Variants in STK10 observed in about 807,000 individuals in gnomAD.
The protein encoded by STK10 is serine/threonine-protein kinase 10.
Under a neutral mutation model 113.8 loss-of-function variants are expected in STK10, and 78 were observed. That is an observed-to-expected ratio of 0.69 (90% CI 0.57 to 0.83). STK10 has a LOEUF of 0.83. Among genes scored for constraint, STK10 ranks in the 40% least tolerant of loss-of-function variants. The pLI, the probability that STK10 is intolerant of heterozygous loss-of-function variation, is 0.00. For synonymous variants in STK10, 465 were observed against 494.7 expected (o/e 0.94, Z 0.80); for missense variants, 1,109 against 1,280.1 (o/e 0.87, Z 2.04).
In STK10 at chr5:172,087,812, T is replaced by C. The variant is rs934900524; in HGVS notation, c.1685+2420A>G. Among the ~76,000 whole-genome samples the C allele has an allele frequency of 1.5e-4, 17 of 116,336 alleles. 2 individuals carry two copies. The highest frequency in any genetic ancestry group is 2.3e-4 in the Non-Finnish European group (13 of 55,920). The allele number at this position is 116,336 out of a possible 152,430, so 76.3% of individuals were successfully genotyped here. ...CCCGGCTAATTTTTTGTATTTTTAG[T>C]AGAGACGGGGTTTCACCTTGTTAGC... is the stretch of plus-strand genomic sequence containing the variant. On this transcript the variant is annotated intron_variant, in intron 10 of 18. Coordinates refer to ENST00000176763, the MANE Select transcript of STK10 (RefSeq NM_005990.4).
At chr5:172,164,115 G>A (rs1770519817) in intron 1 of STK10, among the ~76,000 whole-genome samples, 1 of 151,344 alleles carries the variant, frequency 6.6e-6, no homozygotes, top group Non-Finnish European at 1.5e-5. Flanking sequence ...GGGAGGCTGA[G>A]GCAGGAGAAT....
chr5:172,120,958 T>C lies in STK10; in HGVS notation c.371-3328A>G, dbSNP rs1387398460. 2.0e-5 allele frequency among the ~76,000 whole-genome samples: 3 copies of C among 152,146 alleles called. No homozygotes were observed. The highest frequency in any genetic ancestry group is 2.9e-5 in the Non-Finnish European group (2 of 68,020). ...CACGGTGCATACTGTCATTTAATCC[T>C]CGCAGTAACCCAGTGAGGTGGGAAG... On this transcript the variant is annotated intron_variant, in intron 3 of 18. Transcript: ENST00000176763. The surrounding 1 kb of genome is among the most constrained non-coding windows in gnomAD (Gnocchi z 4.0).
Position 172,142,386 on chromosome 5 carries a change from T to C in STK10, c.321+14238A>G, listed in dbSNP as rs532532071. Among the ~76,000 whole-genome samples the C allele has an allele frequency of 1.2e-3, 190 of 152,302 alleles. 1 individual carries two copies. Among genetic ancestry groups the C allele is most frequent in the Non-Finnish European group, 2.0e-3 (134 of 68,026 alleles). On this transcript the variant is annotated intron_variant, in intron 2 of 18. Coordinates refer to ENST00000176763, the MANE Select transcript of STK10 (RefSeq NM_005990.4). ...TGCTGTGCCAAGTTGATTTCCACCCTTCTAAGTAATGCGCACAAAGAGAAC... is the reference window on the plus strand; with the variant it reads ...TGCTGTGCCAAGTTGATTTCCACCCCTCTAAGTAATGCGCACAAAGAGAAC...
In STK10 at chr5:172,071,914, C is replaced by T. The variant is rs1377294161; in HGVS notation, c.1990-7102G>A. Among the ~76,000 whole-genome samples the T allele has an allele frequency of 2.6e-5, 4 of 152,114 alleles. No individual in the cohort carries two copies. The South Asian group carries it at 6.2e-4, about 24-fold the overall frequency. ...TCTTTAAAGCCAAGAAGACAAGAAC[C>T]GAGGTATCACAACAGCTGTCAACAA... On this transcript the variant is annotated intron_variant, in intron 12 of 18. Transcript: ENST00000176763.
chr5:172,089,926 T>C (rs569050404), intron 10 of STK10, among the ~76,000 whole-genome samples: 253 of 151,594 alleles, frequency 1.7e-3, no homozygotes, highest in African/African-American at 5.8e-3. Flanking sequence ...AGTGGGTAGA[T>C]AGGTGGATGG....
intron 3 of STK10, among the ~76,000 whole-genome samples, chr5:172,118,010 C>CAAAAAAAAAAACAAAAA (rs1769426886): frequency 1.4e-5 from 1 of 69,826 alleles, no homozygotes; most frequent in Non-Finnish European, 3.0e-5. Context: ...TACTCCATCT[C>CAAAAAAAAAAACAAAAA]AAAAAAAAAA....
rs748026362 is a variant in STK10, at chr5:172,147,924, G to A, written c.321+8700C>T. 6.5e-4 allele frequency among the ~76,000 whole-genome samples: 99 copies of A among 152,138 alleles called. 1 individual carries two copies. Among genetic ancestry groups the A allele is most frequent in the Non-Finnish European group, 1.1e-3 (73 of 68,012 alleles). ...ATGGGAGTTATGAGCCAGGAATTGC[G>A]GATGAAAACCAATATACATGTGATC... is the stretch of plus-strand genomic sequence containing the variant. On this transcript the variant is annotated intron_variant, in intron 2 of 18. Transcript: ENST00000176763.
chr5:172,064,461 C>A, intron 13 of STK10: 1 of 552,874 alleles, frequency 1.8e-6, no homozygotes, highest in South Asian at 2.3e-5. Context: ...GTAGGAGGTG[C>A]TAAGGGTTTG....
rs112458688 is a variant in STK10, at chr5:172,133,191, TGTGTGTGC to T, written c.322-5778_322-5771del. Among the ~76,000 whole-genome samples the T allele has an allele frequency of 1.1e-4, 17 of 152,288 alleles. No individual in the cohort carries two copies. Among genetic ancestry groups the T allele is most frequent in the African/African-American group, 3.9e-4 (16 of 41,556 alleles). On this transcript the variant is annotated intron_variant, in intron 2 of 18. Transcript: ENST00000176763. The surrounding 1 kb of genome is among the most constrained non-coding windows in gnomAD (Gnocchi z 4.9). ...AAAGTATGAACCTAATCTGGAGAGC[TGTGTGTGC>T]GTGTGTGCGTGTGTGTCTGGGGAGA...
At chr5:172,063,916 G>A (rs1010750339) in intron 13 of STK10, among the ~76,000 whole-genome samples, 17 of 152,182 alleles carry the variant, frequency 1.1e-4, no homozygotes, top group African/African-American at 4.1e-4. Flanking sequence ...CCCCCTCGTG[G>A]GGGAAAATAG....
At chr5:172,139,888 C>A (rs1581174613) in intron 2 of STK10, among the ~76,000 whole-genome samples, 8 of 109,548 alleles carry the variant, frequency 7.3e-5, no homozygotes, top group South Asian at 2.9e-4. Flanking sequence ...GATATTACAC[C>A]AAAAGCACAG....
At chr5:172,054,325 C>A (rs1432651876) in intron 17 of STK10, among the ~76,000 whole-genome samples, 2 of 152,220 alleles carry the variant, frequency 1.3e-5, no homozygotes, top group East Asian at 3.9e-4. Context: ...CCCAATCCTG[C>A]ACAGCAGGAA....
At chr5:172,107,874 A>G (rs1769150564) in intron 4 of STK10, 22 bp from the exon 5 acceptor site, 1 of 1,613,048 alleles carries the variant, frequency 6.2e-7, no homozygotes, top group African/African-American at 1.3e-5. Flanking sequence ...AATCTCAGCT[A>G]GCGTTTTCCA....
rs1561804508 is a variant in STK10 at position 172,093,567 on chromosome 5, T to A, written c.1399A>T (p.Asn467Tyr). ...LETLGGEKLANGSLEPPAQAA... is the reference protein window; with the variant it reads ...LETLGGEKLAYGSLEPPAQAA... Reference sequence around the variant, plus strand: ...TGGGCAGGTGGCTCCAGGCTGCCATTGGCCAGCTTCTCCCCACCCAAGGTC... The same window carrying A: ...TGGGCAGGTGGCTCCAGGCTGCCATAGGCCAGCTTCTCCCCACCCAAGGTC... Residue 467 changes from asparagine to tyrosine, a missense_variant, in exon 9 of 19, where the codon AAT (asparagine) becomes TAT (tyrosine). Asn to Tyr is a moderately radical substitution (Grantham distance 143, BLOSUM62 -2). Transcript: ENST00000176763. The surrounding 1 kb of genome is among the most constrained non-coding windows in gnomAD (Gnocchi z 4.1). 1 of 1,614,226 alleles carries A rather than the reference T, an allele frequency of 6.2e-7. No individual in the cohort carries two copies. Among genetic ancestry groups the A allele is most frequent in the Admixed American group, 1.7e-5 (1 of 60,024 alleles).
chr5:172,107,644 G>T (rs77535286), intron 5 of STK10, 136 bp downstream of exon 5: 1 of 650,100 alleles, frequency 1.5e-6, no homozygotes, highest in Non-Finnish European at 2.5e-6. Flanking sequence ...CTTGTCCAAG[G>T]TCACACAGCT....
intron 12 of STK10, among the ~76,000 whole-genome samples, chr5:172,068,884 CA>C (rs57550509): frequency 1.2e-4 from 15 of 126,416 alleles, no homozygotes; most frequent in Admixed American, 2.4e-4. Context: ...GACTCTGCCT[CA>C]AAAAAAAAAA....
chr5:172,052,885 A>G (rs1272932414), intron 18 of STK10, 44 bp downstream of exon 18: 1 of 1,597,306 alleles, frequency 6.3e-7, no homozygotes, highest in South Asian at 1.1e-5. Context: ...TGCATGGCAC[A>G]GAGCAGAGCC....
chr5:172,052,565 T>C (rs1767649885), intron 18 of STK10, among the ~76,000 whole-genome samples: 1 of 152,216 alleles, frequency 6.6e-6, no homozygotes, highest in East Asian at 1.9e-4. Context: ...GCAGTTTATC[T>C]TGTGCTGCGT....
chr5:172,160,149 AG>A (rs1451978107), intron 1 of STK10, among the ~76,000 whole-genome samples: 34 of 141,514 alleles, frequency 2.4e-4, no homozygotes, highest in Non-Finnish European at 3.8e-4. Flanking sequence ...AAAAAAAGAA[AG>A]AAAAAAAAAC....
Sources: allele counts gnomAD v4.1 joint callset (sites outside exome capture counted in the v4.1 genomes callset), GRCh38; gene constraint gnomAD v4.1.1; non-coding constraint Gnocchi (gnomAD v3.1); transcripts MANE v1.5; gene names NCBI Gene and HGNC (gene_info 2026-07-23, HGNC 2026-07-21).